Variants in LYPD6B observed in about 807,000 individuals in gnomAD.
LYPD6B encodes ly6/PLAUR domain-containing protein 6B.
In LYPD6B, 17 loss-of-function variants were observed where a neutral mutation model predicts 22.8. That is an observed-to-expected ratio of 0.75 (90% CI 0.51 to 1.12). The LOEUF is 1.12. Ranked by LOEUF, LYPD6B falls within the 50% of genes most tolerant of loss-of-function variation. LYPD6B has a pLI of 0.00. For synonymous variants in LYPD6B, 106 were observed against 91.6 expected (o/e 1.16, Z -0.90); for missense variants, 221 against 258.3 (o/e 0.86, Z 0.99).
intron 1 of LYPD6B, among the ~76,000 whole-genome samples, chr2:149,120,361 G>GTGTGTATATATATA (rs796413041): frequency 2.6e-5 from 1 of 38,758 alleles, no homozygotes; most frequent in Admixed American, 4.4e-4. Context: ...GTGTGTGTGT[G>GTGTGTATATATATA]TATATATATA....
chr2:149,167,055 T>G (rs1690471916), intron 3 of LYPD6B, among the ~76,000 whole-genome samples: 2 of 134,840 alleles, frequency 1.5e-5, no homozygotes, highest in African/African-American at 6.1e-5. Context: ...GCATTAAGTG[T>G]TTTTTTTTTT....
intron 3 of LYPD6B, among the ~76,000 whole-genome samples, chr2:149,166,736 T>C (rs1284166102): frequency 6.6e-6 from 1 of 152,100 alleles, no homozygotes; most frequent in Non-Finnish European, 1.5e-5. Flanking sequence ...AACTTTGCAC[T>C]CATGAGAATT....
At chr2:149,103,365 A>G (rs2105497782) in intron 1 of LYPD6B, among the ~76,000 whole-genome samples, 1 of 152,352 alleles carries the variant, frequency 6.6e-6, no homozygotes, top group East Asian at 1.9e-4. Context: ...TAAGCTTAAC[A>G]ATGTCAGTCT....
chr2:149,058,764 C>T (rs550489980), intron 1 of LYPD6B, among the ~76,000 whole-genome samples: 12 of 152,286 alleles, frequency 7.9e-5, no homozygotes, highest in African/African-American at 2.9e-4. Context: ...GGATGGCAGG[C>T]GTCTGCCACG....
chr2:149,043,954 A>G lies in LYPD6B; in HGVS notation c.-67+5153A>G, dbSNP rs146178690. 3.5e-4 allele frequency among the ~76,000 whole-genome samples: 53 copies of G among 152,200 alleles called. 1 individual carries two copies. Among genetic ancestry groups the G allele is most frequent in the African/African-American group, 1.2e-3 (51 of 41,570 alleles). ...TCAATTAGCTAAAATGTAAGGGTTTATTACTAGACTCTCAATTCAGTTCCA... is the reference window on the plus strand; with the variant it reads ...TCAATTAGCTAAAATGTAAGGGTTTGTTACTAGACTCTCAATTCAGTTCCA... On this transcript the variant is annotated intron_variant, in intron 1 of 6. Coordinates refer to ENST00000409642, the MANE Select transcript of LYPD6B (RefSeq NM_177964.5).
chr2:149,198,201 C>T (rs1331715677), intron 3 of LYPD6B, among the ~76,000 whole-genome samples: 6 of 151,986 alleles, frequency 3.9e-5, no homozygotes, highest in Admixed American at 1.3e-4. Context: ...TGCCACCAGC[C>T]GAGCTAATTT....
chr2:149,180,451 G>T (rs776592664), intron 3 of LYPD6B, among the ~76,000 whole-genome samples: 4 of 152,168 alleles, frequency 2.6e-5, no homozygotes, highest in Non-Finnish European at 5.9e-5. Context: ...GGTGGTTTTT[G>T]TTGGTGGTGG....
chr2:149,109,433 C>A (rs1686651486), intron 1 of LYPD6B, among the ~76,000 whole-genome samples: 1 of 152,022 alleles, frequency 6.6e-6, no homozygotes, highest in Admixed American at 6.6e-5. Context: ...TCTCTGGCTA[C>A]TTTTTAATTC....
intron 3 of LYPD6B, among the ~76,000 whole-genome samples, chr2:149,172,281 TC>T (rs1374991522): frequency 6.6e-6 from 1 of 152,160 alleles, no homozygotes. Flanking sequence ...TCAATTACCT[TC>T]TACTGGGTCT....
At chr2:149,154,608 C>T (rs1426168623) in intron 2 of LYPD6B, among the ~76,000 whole-genome samples, 1 of 151,874 alleles carries the variant, frequency 6.6e-6, no homozygotes, top group Non-Finnish European at 1.5e-5. Flanking sequence ...TTTATGTGAT[C>T]CACTGAAAAG....
chr2:149,038,863 C>G lies in LYPD6B; in HGVS notation c.-67+62C>G, dbSNP rs1202302750. 1.3e-4 allele frequency: 20 copies of G among 150,420 alleles called. No homozygotes were observed. In the East Asian group the frequency reaches 3.7e-3, roughly 28 times the overall value. The allele number at this position is 150,420 out of a possible 1,614,324, so 9.3% of individuals were successfully genotyped here. ...GGGTTCGGGACGGCTCACCCCGCGCCGGAGCGAGTGCGGGGCCGCGCGACT... is the reference window on the plus strand; with the variant it reads ...GGGTTCGGGACGGCTCACCCCGCGCGGGAGCGAGTGCGGGGCCGCGCGACT... On this transcript the variant is annotated intron_variant, in intron 1 of 6. Coordinates refer to ENST00000409642, the MANE Select transcript of LYPD6B (RefSeq NM_177964.5).
chr2:149,198,607 A>G (rs546655016), intron 3 of LYPD6B, among the ~76,000 whole-genome samples: 3 of 152,332 alleles, frequency 2.0e-5, no homozygotes, highest in Admixed American at 6.5e-5. Context: ...GATTTGCATA[A>G]TGAAATTATT....
At chr2:149,083,562 G>T (rs575565689) in intron 1 of LYPD6B, among the ~76,000 whole-genome samples, 1 of 152,088 alleles carries the variant, frequency 6.6e-6, no homozygotes, top group South Asian at 2.1e-4. Flanking sequence ...CCCACATTAT[G>T]GGTTTCTTGA....
chr2:149,180,137 T>C (rs1373865433), intron 3 of LYPD6B, among the ~76,000 whole-genome samples: 1 of 152,228 alleles, frequency 6.6e-6, no homozygotes, highest in Non-Finnish European at 1.5e-5. Context: ...ACACTTTGTC[T>C]GTCTCGATAA....
At chr2:149,142,472 A>G (rs1034453502) in intron 2 of LYPD6B, among the ~76,000 whole-genome samples, 1 of 152,180 alleles carries the variant, frequency 6.6e-6, no homozygotes, top group Non-Finnish European at 1.5e-5. Context: ...GGGGCCTGGG[A>G]TACGAGTGAA....
chr2:149,189,944 A>C (rs1052530775), intron 3 of LYPD6B, among the ~76,000 whole-genome samples: 1 of 152,236 alleles, frequency 6.6e-6, no homozygotes, highest in Non-Finnish European at 1.5e-5. Flanking sequence ...AGCTTTAACC[A>C]TAAACTATAG....
chr2:149,050,359 A>T (rs1000566210), intron 1 of LYPD6B, among the ~76,000 whole-genome samples: 2 of 152,188 alleles, frequency 1.3e-5, no homozygotes, highest in African/African-American at 4.8e-5. Flanking sequence ...CACCCTGGAG[A>T]CAGTCTTCTG....
rs1028719804 is a variant in LYPD6B, at chr2:149,054,962, T to C, written c.-67+16161T>C. Reference sequence around the variant, plus strand: ...TTTCGCTTGTGCTTTTGGCATCACATGTAAGAAACCATTGCTTAATCCAAG... The same window carrying C: ...TTTCGCTTGTGCTTTTGGCATCACACGTAAGAAACCATTGCTTAATCCAAG... On this transcript the variant is annotated intron_variant, in intron 1 of 6. Transcript: ENST00000409642. 2.6e-4 allele frequency among the ~76,000 whole-genome samples: 40 copies of C among 152,214 alleles called. 1 individual carries two copies. Among genetic ancestry groups the C allele is most frequent in the Non-Finnish European group, 1.5e-5 (1 of 68,046 alleles).
chr2:149,108,462 G>GA (rs1246497944), intron 1 of LYPD6B, among the ~76,000 whole-genome samples: 1 of 152,162 alleles, frequency 6.6e-6, no homozygotes, highest in Non-Finnish European at 1.5e-5. Flanking sequence ...TTTCATCCCT[G>GA]AAATTCTTTG....
Sources: allele counts gnomAD v4.1 joint callset (sites outside exome capture counted in the v4.1 genomes callset), GRCh38; gene constraint gnomAD v4.1.1; transcripts MANE v1.5; gene names NCBI Gene and HGNC (gene_info 2026-07-23, HGNC 2026-07-21).